MSRA: variants seen among roughly 807,000 people sequenced by gnomAD.
The protein encoded by MSRA is mitochondrial peptide methionine sulfoxide reductase.
A neutral mutation model predicts 31.3 loss-of-function variants in MSRA; 54 were observed. The ratio of observed to expected loss-of-function variants is 1.73; its 90% CI spans 1.39 to 2.17. The LOEUF is 2.17. Ranked by LOEUF, MSRA falls within the 30% of genes most tolerant of loss-of-function variation. The pLI is 0.00. For missense variants in MSRA, 507 were observed against 300.9 expected (o/e 1.69, Z -5.07); for synonymous variants, 169 against 116.5 (o/e 1.45, Z -2.90).
chr8:10,237,989 C>T (rs542460741), intron 2 of MSRA, among the ~76,000 whole-genome samples: 20 of 152,254 alleles, frequency 1.3e-4, no homozygotes, highest in East Asian at 5.8e-4. Flanking sequence ...TTTCCTCTCC[C>T]GCTCAAAACT....
intron 4 of MSRA, among the ~76,000 whole-genome samples, chr8:10,313,990 C>A (rs1233928362): frequency 3.9e-5 from 6 of 152,102 alleles, no homozygotes. Context: ...TGCCTCACAC[C>A]ATACACAAAA....
intron 5 of MSRA, among the ~76,000 whole-genome samples, chr8:10,335,024 C>G (rs1004052046): frequency 2.0e-5 from 3 of 152,206 alleles, no homozygotes; most frequent in African/African-American, 7.2e-5. Flanking sequence ...GTCTAGTGCC[C>G]TGCGCCATGG....
At chr8:10,174,829 A>T (rs949388013) in intron 1 of MSRA, among the ~76,000 whole-genome samples, 12 of 152,170 alleles carry the variant, frequency 7.9e-5, no homozygotes, top group African/African-American at 2.7e-4. Flanking sequence ...TTTGTCAAAA[A>T]ACAAACTCTT....
intron 1 of MSRA, among the ~76,000 whole-genome samples, chr8:10,059,537 T>A (rs1050446868): frequency 6.6e-6 from 1 of 152,228 alleles, no homozygotes; most frequent in Non-Finnish European, 1.5e-5. Context: ...GAGAACAGAA[T>A]GTTTTTATAA....
intron 4 of MSRA, among the ~76,000 whole-genome samples, chr8:10,312,237 C>G (rs1390460221): frequency 6.6e-6 from 1 of 152,094 alleles, no homozygotes; most frequent in African/African-American, 2.4e-5. Flanking sequence ...CGATATTTCA[C>G]AATGGCTACA....
At chr8:10,337,515 T>G (rs1803131568) in intron 5 of MSRA, 2 of 572,524 alleles carry the variant, frequency 3.5e-6, no homozygotes, top group East Asian at 5.9e-5. Flanking sequence ...CCAAAAAGAC[T>G]GTGTGCTACT....
intron 5 of MSRA, among the ~76,000 whole-genome samples, chr8:10,401,223 C>T (rs1807444116): frequency 6.6e-6 from 1 of 152,040 alleles, no homozygotes; most frequent in Non-Finnish European, 1.5e-5. Context: ...AAGAAAGTAA[C>T]CCCCTTGAAA....
At chr8:10,061,847 G>A (rs1016642029) in intron 1 of MSRA, among the ~76,000 whole-genome samples, 1 of 151,602 alleles carries the variant, frequency 6.6e-6, no homozygotes, top group African/African-American at 2.4e-5. Context: ...AGGATGAAGG[G>A]TGGGGAACCC....
At chr8:10,373,099 C>A (rs761602997) in intron 5 of MSRA, among the ~76,000 whole-genome samples, 2 of 152,338 alleles carry the variant, frequency 1.3e-5, no homozygotes, top group East Asian at 3.9e-4. Context: ...CCATGTTGGC[C>A]AGGCTGGTCT....
intron 3 of MSRA, among the ~76,000 whole-genome samples, chr8:10,283,156 A>T (rs372452034): frequency 1.1e-4 from 9 of 85,024 alleles, no homozygotes; most frequent in African/African-American, 2.4e-4. Context: ...ACACACACAC[A>T]CACACTCTCA....
intron 1 of MSRA, among the ~76,000 whole-genome samples, chr8:10,196,058 G>A (rs897522966): frequency 1.3e-5 from 2 of 152,306 alleles, no homozygotes; most frequent in Non-Finnish European, 2.9e-5. Flanking sequence ...GAGAGGGTGC[G>A]GGGTGGGGGA....
rs572260267 is a variant in MSRA, at chr8:10,410,622, C to G, written c.544-17526C>G. Among the ~76,000 whole-genome samples, 8 of 152,182 alleles carry G rather than the reference C, an allele frequency of 5.3e-5. No individual in the cohort carries two copies. In the South Asian group the frequency reaches 1.5e-3, roughly 28 times the overall value. ...AGCCTCAAGGTCAGCTCCTGAAGGT[C>G]ATGCTGTTTGGCAGAACCAGGAGAA... is the stretch of plus-strand genomic sequence containing the variant. On this transcript the variant is annotated intron_variant, in intron 5 of 5. Transcript: ENST00000317173.
At chr8:10,230,092 G>A (rs1341437443) in intron 2 of MSRA, among the ~76,000 whole-genome samples, 1 of 152,204 alleles carries the variant, frequency 6.6e-6, no homozygotes, top group Non-Finnish European at 1.5e-5. Flanking sequence ...AGCCTCATAC[G>A]TGCAAGGTGC....
intron 3 of MSRA, among the ~76,000 whole-genome samples, chr8:10,253,460 T>A (rs1798021211): frequency 6.6e-6 from 1 of 152,238 alleles, no homozygotes; most frequent in Non-Finnish European, 1.5e-5. Flanking sequence ...TGTGTCAATA[T>A]TTCAGCAATT....
rs550269197 is a variant in MSRA at position 10,076,246 on chromosome 8, G to A, written c.142+21588G>A. On this transcript the variant is annotated intron_variant, in intron 1 of 5. Transcript: ENST00000317173. ...GAATGTTTGTTTTGCAGTGTGATGCGTCCAGTAGGGACACTTAGGGGACAG... is the reference window on the plus strand; with the variant it reads ...GAATGTTTGTTTTGCAGTGTGATGCATCCAGTAGGGACACTTAGGGGACAG... Among the ~76,000 whole-genome samples the A allele has an allele frequency of 4.6e-5, 7 of 152,350 alleles. No individual in the cohort carries two copies. In the East Asian group the frequency reaches 5.8e-4, roughly 13 times the overall value.
chr8:10,254,133 G>T (rs1738398195), intron 3 of MSRA, among the ~76,000 whole-genome samples: 1 of 152,036 alleles, frequency 6.6e-6, no homozygotes, highest in Admixed American at 6.6e-5. Context: ...CTGAGGCGTG[G>T]AATTGTGAAG....
chr8:10,058,289 A>G (rs1802507915), intron 1 of MSRA, among the ~76,000 whole-genome samples: 2 of 152,230 alleles, frequency 1.3e-5, no homozygotes, highest in African/African-American at 2.4e-5. Flanking sequence ...TTTGTAAACA[A>G]TGAGGTAGTC....
intron 5 of MSRA, among the ~76,000 whole-genome samples, chr8:10,381,586 G>C (rs780105447): frequency 6.6e-6 from 1 of 152,208 alleles, no homozygotes; most frequent in African/African-American, 2.4e-5. Flanking sequence ...GGCTGGTAGA[G>C]GTGGGAACGA....
intron 1 of MSRA, among the ~76,000 whole-genome samples, chr8:10,116,377 T>G (rs1057070546): frequency 5.3e-5 from 8 of 152,352 alleles, no homozygotes; most frequent in South Asian, 2.1e-4. Flanking sequence ...GACTATAGTA[T>G]TAATGCATCA....
Sources: gnomAD v4.1 joint callset for allele counts (sites outside exome capture counted in the v4.1 genomes callset) on GRCh38, gnomAD v4.1.1 for gene constraint, MANE v1.5 for transcripts, NCBI Gene and HGNC (gene_info 2026-07-23, HGNC 2026-07-21) for gene names.